The following DOCK5 variants were observed in gnomAD, a reference collection of about 807,000 sequenced individuals.
DOCK5 encodes dedicator of cytokinesis 5.
A neutral mutation model predicts 251.8 loss-of-function variants in DOCK5; 142 were observed. The ratio of observed to expected loss-of-function variants is 0.56; its 90% CI spans 0.49 to 0.65. DOCK5 has a LOEUF of 0.65. DOCK5 is among the 30% of genes least tolerant of loss of function. The pLI is 0.00. For missense variants in DOCK5, 2,111 were observed against 2,312.3 expected (o/e 0.91, Z 1.79); for synonymous variants, 842 against 835.5 (o/e 1.01, Z -0.13).
At chr8:25,190,994 C>G (rs1801571132) in intron 1 of DOCK5, among the ~76,000 whole-genome samples, 1 of 151,864 alleles carries the variant, frequency 6.6e-6, no homozygotes, top group African/African-American at 2.4e-5. Context: ...CCGTGTTAGC[C>G]AGGATGGTCT....
At chr8:25,369,774 G>T in intron 34 of DOCK5, 133 bp downstream of exon 34, 2 of 676,168 alleles carry the variant, frequency 3.0e-6, no homozygotes, top group Non-Finnish European at 5.1e-6. Context: ...GTGGTCTTCA[G>T]TATGGTTATG....
At chr8:25,299,332 C>T (rs978422288) in intron 8 of DOCK5, 5 of 460,946 alleles carry the variant, frequency 1.1e-5, no homozygotes, top group African/African-American at 1.0e-4. Flanking sequence ...ACATAAAACT[C>T]ATTAGGGCTT....
At chr8:25,332,177 A>T in intron 18 of DOCK5, 74 bp from the exon 19 acceptor site, 1 of 1,137,548 alleles carries the variant, frequency 8.8e-7, no homozygotes, top group Non-Finnish European at 1.3e-6. Flanking sequence ...TGTTCTAGAG[A>T]ATTCTTTAGC....
At chr8:25,257,264 A>T (rs1414956534) in intron 2 of DOCK5, among the ~76,000 whole-genome samples, 1 of 152,182 alleles carries the variant, frequency 6.6e-6, no homozygotes, top group African/African-American at 2.4e-5. Context: ...TATGCCAGGC[A>T]TCGAGCTACG....
In DOCK5 at chr8:25,186,927, C is replaced by T. The variant is rs1306380351; in HGVS notation, c.43+1976C>T. ...TCAAGAAAAATATTTGGGCCAGGTG[C>T]GATGGCTCACGTCTGTAATCCCAAC... On this transcript the variant is annotated intron_variant, in intron 1 of 51. Transcript: ENST00000276440. Among the ~76,000 whole-genome samples, 9 of 152,012 alleles carry T rather than the reference C, an allele frequency of 5.9e-5. No individual in the cohort carries two copies. The East Asian group carries it at 1.6e-3, about 26-fold the overall frequency.
In DOCK5 at chr8:25,310,499, C is replaced by T. The variant is rs564689438; in HGVS notation, c.1285C>T (p.Arg429Trp). ...GGTTGATAGATCAACAGCAATAGCC[C>T]GGAAGATGGGCTTTCCTGAAATCAT... ...HLVDRSTAIARKMGFPEIILP... is the reference protein window; with the variant it reads ...HLVDRSTAIAWKMGFPEIILP... Residue 429 changes from arginine (R) to tryptophan (W), a missense_variant, in exon 13 of 52, where the codon CGG becomes TGG. Transcript: ENST00000276440. The T allele has an allele frequency of 2.2e-5, 36 of 1,612,828 alleles. No individual in the cohort carries two copies. In the South Asian group the frequency reaches 2.5e-4, roughly 11 times the overall value.
rs1801659459 is a variant in DOCK5 at position 25,413,144 on chromosome 8, G to A, written c.*1846G>A. 6.6e-6 allele frequency: 1 copy of A among 152,174 alleles called. No homozygotes were observed. The highest frequency in any genetic ancestry group is 1.5e-5 in the Non-Finnish European group (1 of 68,038). The allele number at this position is 152,174 out of a possible 1,614,324, so 9.4% of individuals were successfully genotyped here. A position where few individuals can be genotyped will look rare whatever the true frequency, so the allele number is the denominator to read the frequency against. ...TCTCACCTTCCAGAATGGGGATAAT[G>A]CCTCCTGCATCGGTTGTTGTGAGGT... On this transcript the variant is annotated 3_prime_UTR_variant, in exon 52 of 52. Coordinates refer to ENST00000276440, the MANE Select transcript of DOCK5 (RefSeq NM_024940.8).
Position 25,299,027 on chromosome 8 carries a change from C to A in DOCK5, c.690C>A (p.Asn230Lys), listed in dbSNP as rs1447905346. The A allele has an allele frequency of 6.2e-7, 1 of 1,613,940 alleles. No homozygotes were observed. ...HTYGLYVNFKNFVCNIGEDAE... is the reference protein window; with the variant it reads ...HTYGLYVNFKKFVCNIGEDAE... ...ATGGCCTCTATGTGAACTTCAAGAACTTTGTCTGCAACATCGGGGAAGATG... is the reference window on the plus strand; with the variant it reads ...ATGGCCTCTATGTGAACTTCAAGAAATTTGTCTGCAACATCGGGGAAGATG... The change falls in exon 8 of 52, where the codon AAC becomes AAA. Residue 230 changes from asparagine (N) to lysine (K), a missense_variant. Asn to Lys is a moderately conservative substitution (Grantham distance 94, BLOSUM62 0). Coordinates refer to ENST00000276440, the MANE Select transcript of DOCK5 (RefSeq NM_024940.8).
intron 39 of DOCK5, among the ~76,000 whole-genome samples, chr8:25,382,210 C>G (rs907107552): frequency 1.3e-5 from 2 of 152,066 alleles, no homozygotes; most frequent in African/African-American, 4.8e-5. Flanking sequence ...CTCCTAGCCT[C>G]AAGCAATCCT....
At chr8:25,199,424 C>T (rs1234300791) in intron 1 of DOCK5, among the ~76,000 whole-genome samples, 2 of 125,562 alleles carry the variant, frequency 1.6e-5, no homozygotes, top group Non-Finnish European at 3.1e-5. Context: ...TGCTTTGTTG[C>T]CCAGGCTGGA....
chr8:25,359,659 C>T (rs981705441), intron 28 of DOCK5, among the ~76,000 whole-genome samples: 4 of 152,180 alleles, frequency 2.6e-5, no homozygotes, highest in African/African-American at 9.7e-5. Flanking sequence ...TCTAGGTTGC[C>T]AGCTCCTTAT....
At chr8:25,401,578 C>CA (rs1801439111) in intron 47 of DOCK5, among the ~76,000 whole-genome samples, 1 of 152,026 alleles carries the variant, frequency 6.6e-6, no homozygotes, top group South Asian at 2.1e-4. Context: ...ACTAAAAATA[C>CA]AAAAAATTAG....
chr8:25,187,062 A>G (rs1801445663), intron 1 of DOCK5, among the ~76,000 whole-genome samples: 1 of 151,492 alleles, frequency 6.6e-6, no homozygotes, highest in Non-Finnish European at 1.5e-5. Context: ...TTAGCCGGGC[A>G]TGGTCGCCTG....
At position 25,366,985 on chromosome 8, in the gene DOCK5, A is replaced by G. The variant is rs377336739; in HGVS notation, c.3224+15A>G. 1 of 1,607,032 alleles carries G rather than the reference A, an allele frequency of 6.2e-7. No individual in the cohort carries two copies. The highest frequency in any genetic ancestry group is 1.3e-5 in the African/African-American group (1 of 74,770). ...ATTGTTAAAAAGTAAGTGTCCTTTT[A>G]AAGTTAAGATCGGGAAGGGGCTTCT... On this transcript the variant is annotated intron_variant, in intron 31 of 51. Coordinates refer to ENST00000276440, the MANE Select transcript of DOCK5 (RefSeq NM_024940.8).
intron 3 of DOCK5, among the ~76,000 whole-genome samples, chr8:25,272,954 A>G (rs751739233): frequency 6.6e-6 from 1 of 152,158 alleles, no homozygotes; most frequent in Admixed American, 6.5e-5. Context: ...GGAGCCGTAC[A>G]GTATTTGTCC....
rs1324433417 is a variant in DOCK5 at position 25,373,661 on chromosome 8, A to T, written c.3725+3A>T. On this transcript the variant is annotated splice_donor_region_variant and intron_variant, in intron 36 of 51. Transcript: ENST00000276440. ...AAGAGAGAGGACATATACATAAGGTAAGCTGAAGGAAATTTCTTGCTTCTG... is the reference window on the plus strand; with the variant it reads ...AAGAGAGAGGACATATACATAAGGTTAGCTGAAGGAAATTTCTTGCTTCTG... The T allele has an allele frequency of 3.1e-6, 5 of 1,588,458 alleles. No homozygotes were observed. The highest frequency in any genetic ancestry group is 4.3e-6 in the Non-Finnish European group (5 of 1,168,024).
intron 28 of DOCK5, among the ~76,000 whole-genome samples, chr8:25,361,319 A>G (rs955244063): frequency 2.6e-5 from 4 of 152,210 alleles, no homozygotes; most frequent in Non-Finnish European, 5.9e-5. Flanking sequence ...CACTTAAAAT[A>G]TATAATGAGG....
intron 36 of DOCK5, 100 bp from the exon 37 acceptor site, chr8:25,374,464 T>A: frequency 8.8e-7 from 1 of 1,141,894 alleles, no homozygotes; most frequent in Non-Finnish European, 1.2e-6. Flanking sequence ...CACTGCATAC[T>A]GCAGCCTGGG....
At chr8:25,231,652 C>A (rs1015988310) in intron 1 of DOCK5, among the ~76,000 whole-genome samples, 1 of 152,066 alleles carries the variant, frequency 6.6e-6, no homozygotes, top group Non-Finnish European at 1.5e-5. Flanking sequence ...TTTATATTAT[C>A]CTTTGTAATT....
Sources: allele counts gnomAD v4.1 joint callset (sites outside exome capture counted in the v4.1 genomes callset), GRCh38; gene constraint gnomAD v4.1.1; transcripts MANE v1.5; gene names NCBI Gene and HGNC (gene_info 2026-07-23, HGNC 2026-07-21).